The following SUSD4 variants were observed in gnomAD, a reference collection of about 807,000 sequenced individuals.
The protein encoded by SUSD4 is sushi domain-containing protein 4.
SUSD4 carries 41 observed loss-of-function variants against 50.5 expected under a neutral mutation model. That is an observed-to-expected ratio of 0.81 (90% CI 0.63 to 1.05). The LOEUF is 1.05. SUSD4 is among the 50% of genes least tolerant of loss of function. The pLI is 0.00. For missense variants in SUSD4, 580 were observed against 634.7 expected, an observed-to-expected ratio of 0.91 and a Z score of 0.93; for synonymous variants, 257 against 257.3, an observed-to-expected ratio of 1.00 and a Z score of 0.01.
At chr1:223,264,862 C>T in intron 4 of SUSD4, 44 bp from the exon 5 acceptor site, 1 of 1,583,250 alleles carries the variant, frequency 6.3e-7, no homozygotes, top group Non-Finnish European at 8.6e-7. Flanking sequence ...ACTCTGTCAT[C>T]TCTGTACATC....
intron 5 of SUSD4, among the ~76,000 whole-genome samples, chr1:223,254,498 G>A (rs1661553968): frequency 6.6e-6 from 1 of 152,160 alleles, no homozygotes; most frequent in Non-Finnish European, 1.5e-5. Context: ...AGGGTCTTAA[G>A]CTAGTGAACA....
At chr1:223,271,511 T>C (rs1252015188) in intron 3 of SUSD4, among the ~76,000 whole-genome samples, 1 of 152,108 alleles carries the variant, frequency 6.6e-6, no homozygotes, top group Non-Finnish European at 1.5e-5. Context: ...GCCAGGCCAA[T>C]TTACTATGTG....
In SUSD4 at chr1:223,248,512, C is replaced by T. The variant is rs559126081; in HGVS notation, c.724+16118G>A. Among the ~76,000 whole-genome samples, 20 of 152,328 alleles carry T rather than the reference C, an allele frequency of 1.3e-4. No individual in the cohort carries two copies. The South Asian group carries it at 3.5e-3, about 27-fold the overall frequency. ...AAAGTCCTGGCCATCTCCATGACTA[C>T]GTCTGAAACTTTGCTTTTAGCTCAG... On this transcript the variant is annotated intron_variant, in intron 5 of 8. Coordinates refer to ENST00000366878, the MANE Select transcript of SUSD4 (RefSeq NM_017982.4).
intron 2 of SUSD4, among the ~76,000 whole-genome samples, chr1:223,358,231 A>G (rs549411688): frequency 6.0e-4 from 92 of 152,258 alleles, no homozygotes; most frequent in Non-Finnish European, 1.0e-3. Context: ...AGGATGTACA[A>G]TAGACACTGG....
intron 2 of SUSD4, among the ~76,000 whole-genome samples, chr1:223,317,119 T>C (rs976630317): frequency 2.0e-5 from 3 of 152,006 alleles, no homozygotes; most frequent in Non-Finnish European, 2.9e-5. Flanking sequence ...CAGGATGACA[T>C]AAGAGGTCAG....
intron 2 of SUSD4, among the ~76,000 whole-genome samples, chr1:223,347,259 A>C (rs573546615): frequency 1.3e-5 from 2 of 152,172 alleles, no homozygotes; most frequent in South Asian, 2.1e-4. Flanking sequence ...ACTTTTGACA[A>C]TAGTCACCCT....
chr1:223,315,407 GT>G (rs1316063068), intron 2 of SUSD4, among the ~76,000 whole-genome samples: 3 of 152,176 alleles, frequency 2.0e-5, no homozygotes, highest in Non-Finnish European at 4.4e-5. Context: ...CCTAAGATTG[GT>G]CTTTTGAGAT....
chr1:223,304,125 G>A (rs763714072), intron 2 of SUSD4, among the ~76,000 whole-genome samples: 11 of 152,252 alleles, frequency 7.2e-5, no homozygotes, highest in African/African-American at 1.2e-4. Flanking sequence ...ATGAACAGGC[G>A]CCCCTCATGC....
At chr1:223,341,828 C>T (rs1667775962) in intron 2 of SUSD4, among the ~76,000 whole-genome samples, 1 of 151,994 alleles carries the variant, frequency 6.6e-6, no homozygotes, top group South Asian at 2.1e-4. Context: ...GGCCTGGGTA[C>T]AAACCCATTT....
chr1:223,230,177 T>C (rs948925598), intron 5 of SUSD4, among the ~76,000 whole-genome samples: 13 of 152,094 alleles, frequency 8.5e-5, no homozygotes, highest in Non-Finnish European at 1.8e-4. Flanking sequence ...GCATTCTAGG[T>C]TGCGAGGTAA....
At chr1:223,343,158 G>A (rs943524100) in intron 2 of SUSD4, among the ~76,000 whole-genome samples, 1 of 152,120 alleles carries the variant, frequency 6.6e-6, no homozygotes, top group Non-Finnish European at 1.5e-5. Flanking sequence ...GAAGACCTCT[G>A]TGCTGGCTGT....
intron 4 of SUSD4, among the ~76,000 whole-genome samples, chr1:223,268,011 T>TATATATATATATATATA (rs1558196915): frequency 2.6e-4 from 2 of 7,668 alleles, no homozygotes; most frequent in Admixed American, 1.4e-3. Flanking sequence ...TTCATGCATT[T>TATATATATATATATATA]TTTATATATA....
At chr1:223,244,324 CCA>C (rs1660778200) in intron 5 of SUSD4, among the ~76,000 whole-genome samples, 8 of 152,114 alleles carry the variant, frequency 5.3e-5, no homozygotes, top group African/African-American at 1.9e-4. Context: ...TGGAGATGGG[CCA>C]GAGAGAACAG....
At position 223,363,352 on chromosome 1, in the gene SUSD4, G is replaced by T. The variant is rs748583497; in HGVS notation, c.74C>A (p.Ser25Tyr). 6.2e-7 allele frequency: 1 copy of T among 1,607,704 alleles called. No homozygotes were observed. Among genetic ancestry groups the T allele is most frequent in the Non-Finnish European group, 8.5e-7 (1 of 1,177,424 alleles). ...GATCACGGCCAAGAGTCTCTGGGGG[G>T]ACTGAGGTTGCTGCTGCTGCTGCTG... ...EQQQQQQQPQSPQRLLAVILW... is the reference protein window; with the variant it reads ...EQQQQQQQPQYPQRLLAVILW... Residue 25 changes from serine to tyrosine, a missense_variant, in exon 2 of 9, where the codon TCC (serine) becomes TAC (tyrosine). By Grantham distance (144) the Ser-to-Tyr change is moderately radical (BLOSUM62 -2). Transcript: ENST00000366878.
intron 7 of SUSD4, among the ~76,000 whole-genome samples, chr1:223,226,483 C>T (rs1008971988): frequency 2.6e-5 from 4 of 152,170 alleles, no homozygotes; most frequent in East Asian, 1.9e-4. Flanking sequence ...TGAGGGAGGC[C>T]GCCCTGTGAG....
At chr1:223,264,539 C>T (rs1662344800) in intron 5 of SUSD4, 91 bp downstream of exon 5, 4 of 1,540,686 alleles carry the variant, frequency 2.6e-6, no homozygotes, top group Non-Finnish European at 3.5e-6. Context: ...AAAGTTATTG[C>T]CCATCATAAT....
At chr1:223,243,049 A>T (rs1304241909) in intron 5 of SUSD4, among the ~76,000 whole-genome samples, 1 of 152,018 alleles carries the variant, frequency 6.6e-6, no homozygotes, top group Admixed American at 6.5e-5. Flanking sequence ...GAGCTGGAAA[A>T]GTGTCCCCCT....
chr1:223,299,623 C>T (rs563225610), intron 2 of SUSD4, among the ~76,000 whole-genome samples: 3 of 152,214 alleles, frequency 2.0e-5, no homozygotes, highest in South Asian at 2.1e-4. Flanking sequence ...AAACATGATT[C>T]TAGGGGTATG....
intron 2 of SUSD4, among the ~76,000 whole-genome samples, chr1:223,349,556 T>C (rs772156138): frequency 3.3e-5 from 5 of 152,230 alleles, no homozygotes; most frequent in East Asian, 3.8e-4. Context: ...CCTGCATGAA[T>C]AGCAGACTTA....
Sources: allele counts gnomAD v4.1 joint callset (sites outside exome capture counted in the v4.1 genomes callset), GRCh38; gene constraint gnomAD v4.1.1; transcripts MANE v1.5; gene names NCBI Gene and HGNC (gene_info 2026-07-23, HGNC 2026-07-21).